The following OR51B5 variants were observed in gnomAD, a reference collection of about 807,000 sequenced individuals.
OR51B5 encodes olfactory receptor family 51 subfamily B member 5.
For synonymous variants in OR51B5, 186 were observed against 144.8 expected, an observed-to-expected ratio of 1.28 and a Z score of -2.04; for missense variants, 456 against 374.6, an observed-to-expected ratio of 1.22 and a Z score of -1.79.
At chr11:5,443,082 C>T (rs2133778016) in intron 1 of OR51B5, among the ~76,000 whole-genome samples, 1 of 152,256 alleles carries the variant, frequency 6.6e-6, no homozygotes, top group Middle Eastern at 3.4e-3. Context: ...TGAGAAGTCA[C>T]ACCATAAGAG....
At chr11:5,437,515 C>T (rs773517098) in intron 1 of OR51B5, among the ~76,000 whole-genome samples, 1 of 152,204 alleles carries the variant, frequency 6.6e-6, no homozygotes, top group Non-Finnish European at 1.5e-5. Context: ...CCAAAAGAAA[C>T]ATTCCAGGAT....
At chr11:5,420,688 T>A (rs540450213) in intron 1 of OR51B5, among the ~76,000 whole-genome samples, 1 of 152,158 alleles carries the variant, frequency 6.6e-6, no homozygotes, top group Non-Finnish European at 1.5e-5. Flanking sequence ...AATGCTTATA[T>A]TATTTTCTCT....
chr11:5,412,672 C>A (rs986274063), intron 1 of OR51B5, among the ~76,000 whole-genome samples: 6 of 152,172 alleles, frequency 3.9e-5, no homozygotes. Flanking sequence ...CCTACGCCGA[C>A]GGAGTCTCGC....
intron 1 of OR51B5, among the ~76,000 whole-genome samples, chr11:5,355,980 T>C (rs2133692628): frequency 6.6e-6 from 1 of 151,792 alleles, no homozygotes; most frequent in Admixed American, 6.6e-5. Flanking sequence ...CATCTGTACG[T>C]CACCATCATC....
At chr11:5,413,904 A>C (rs4910560) in intron 1 of OR51B5, among the ~76,000 whole-genome samples, 120,826 of 147,432 alleles carry the variant, frequency 0.82, 50,394 homozygotes, top group Non-Finnish European at 0.89. Context: ...CAGGGCAGGC[A>C]AACATTCAGA....
At chr11:5,420,001 A>G (rs1850306821) in intron 1 of OR51B5, among the ~76,000 whole-genome samples, 1 of 137,296 alleles carries the variant, frequency 7.3e-6, no homozygotes. Context: ...ATAAGCTCTA[A>G]TTATAATCTT....
chr11:5,479,058 A>T (rs1434618186), intron 1 of OR51B5, among the ~76,000 whole-genome samples: 1 of 151,888 alleles, frequency 6.6e-6, no homozygotes, highest in Non-Finnish European at 1.5e-5. Context: ...ACACATAATT[A>T]TCAGATTCAC....
chr11:5,343,972 T>G (rs544469431), upstream of OR51B5, among the ~76,000 whole-genome samples: 1 of 152,320 alleles, frequency 6.6e-6, no homozygotes, highest in South Asian at 2.1e-4. Flanking sequence ...CTAATCCACA[T>G]TTTCCTGCAT....
At chr11:5,455,670 A>T (rs1357315195) in intron 1 of OR51B5, 1 of 151,754 alleles carries the variant, frequency 6.6e-6, no homozygotes, top group Non-Finnish European at 1.5e-5. Context: ...TCACCATGGA[A>T]ACTCATCCAG....
At chr11:5,409,757 G>T (rs1850115375) in intron 1 of OR51B5, among the ~76,000 whole-genome samples, 1 of 152,106 alleles carries the variant, frequency 6.6e-6, no homozygotes. Context: ...AAGAGATAAT[G>T]GTTGAGAATT....
At chr11:5,350,756 A>G (rs537117702) in intron 1 of OR51B5, among the ~76,000 whole-genome samples, 1 of 152,290 alleles carries the variant, frequency 6.6e-6, no homozygotes, top group Admixed American at 6.5e-5. Context: ...TATTATGAAA[A>G]TTTGAATTCT....
At chr11:5,370,301 C>T (rs1432577445) in intron 1 of OR51B5, among the ~76,000 whole-genome samples, 1 of 152,102 alleles carries the variant, frequency 6.6e-6, no homozygotes, top group Non-Finnish European at 1.5e-5. Flanking sequence ...ATCTTTTATG[C>T]TGACTGTCCA....
At chr11:5,427,435 A>G (rs1850467530) in intron 1 of OR51B5, among the ~76,000 whole-genome samples, 1 of 152,258 alleles carries the variant, frequency 6.6e-6, no homozygotes, top group South Asian at 2.1e-4. Flanking sequence ...CACAAGGGGA[A>G]AAGCCTTGAA....
chr11:5,387,023 C>T (rs920385625), intron 1 of OR51B5, among the ~76,000 whole-genome samples: 4 of 151,880 alleles, frequency 2.6e-5, no homozygotes, highest in East Asian at 1.9e-4. Flanking sequence ...TGATATGTAA[C>T]GGAGTTATCT....
intron 1 of OR51B5, among the ~76,000 whole-genome samples, chr11:5,430,420 G>A (rs1850516548): frequency 6.6e-6 from 1 of 152,084 alleles, no homozygotes; most frequent in Non-Finnish European, 1.5e-5. Flanking sequence ...ACCATATCTG[G>A]TTAGAAGAGA....
chr11:5,434,013 A>C (rs998798466), intron 1 of OR51B5, among the ~76,000 whole-genome samples: 3 of 152,122 alleles, frequency 2.0e-5, no homozygotes, highest in Non-Finnish European at 4.4e-5. Context: ...TGTGCCTCTT[A>C]CCAATTTATT....
At chr11:5,366,379 G>A (rs111988220) in intron 1 of OR51B5, among the ~76,000 whole-genome samples, 3,221 of 152,220 alleles carry the variant, frequency 0.021, 109 homozygotes, top group African/African-American at 0.071. Flanking sequence ...GGCTGAGGCA[G>A]GAGGATCACC....
At chr11:5,420,425 C>G (rs2133759010) in intron 1 of OR51B5, among the ~76,000 whole-genome samples, 1 of 152,008 alleles carries the variant, frequency 6.6e-6, no homozygotes, top group Non-Finnish European at 1.5e-5. Flanking sequence ...AGTTGTATTT[C>G]TTTTACTGTT....
At chr11:5,461,828 C>T (rs529580316) in intron 1 of OR51B5, among the ~76,000 whole-genome samples, 7 of 152,268 alleles carry the variant, frequency 4.6e-5, no homozygotes, top group South Asian at 4.1e-4. Flanking sequence ...TCCTGGTGCT[C>T]GACTACCCCA....
Sources: gnomAD v4.1 joint callset for allele counts (sites outside exome capture counted in the v4.1 genomes callset) on GRCh38, gnomAD v4.1.1 for gene constraint, MANE v1.5 for transcripts, NCBI Gene and HGNC (gene_info 2026-07-23, HGNC 2026-07-21) for gene names.